BNC2: variants seen among roughly 807,000 people sequenced by gnomAD.
The protein encoded by BNC2 is zinc finger protein basonuclin-2.
Under a neutral mutation model 76.3 loss-of-function variants are expected in BNC2, and 20 were observed. The ratio of observed to expected loss-of-function variants is 0.26; its 90% CI spans 0.18 to 0.38. The LOEUF (loss-of-function observed/expected upper bound fraction) is 0.38, where lower values mean the gene tolerates loss of function less well. Ranked by LOEUF, BNC2 falls within the 10% of genes least tolerant of loss-of-function variation. BNC2 has a pLI of 1.00. For synonymous variants in BNC2, 582 were observed against 514.8 expected, an observed-to-expected ratio of 1.13 and a Z score of -1.77; for missense variants, 1,382 against 1,399.8, an observed-to-expected ratio of 0.99 and a Z score of 0.20.
chr9:16,527,399 T>G (rs1002113489), intron 5 of BNC2, among the ~76,000 whole-genome samples: 2 of 152,224 alleles, frequency 1.3e-5, no homozygotes, highest in African/African-American at 4.8e-5. Context: ...TCTACCCCTG[T>G]GGCACTGTTT....
chr9:16,619,515 T>C lies in BNC2; in HGVS notation c.331-36430A>G, dbSNP rs547229709. On this transcript the variant is annotated intron_variant, in intron 3 of 6. Transcript: ENST00000380672. ...TAATATATTACACACTGATGTAAAC[T>C]GAAATGCTCTTGTCCATGGGTTGAG... Among the ~76,000 whole-genome samples, 14 of 152,276 alleles carry C rather than the reference T, an allele frequency of 9.2e-5. No homozygotes were observed. In the South Asian group the frequency reaches 2.9e-3, roughly 32 times the overall value.
At chr9:16,606,913 GC>G (rs1820403265) in intron 3 of BNC2, among the ~76,000 whole-genome samples, 1 of 152,136 alleles carries the variant, frequency 6.6e-6, no homozygotes, top group Admixed American at 6.5e-5. Flanking sequence ...CCTTTGGCCT[GC>G]GGCCATCCAC....
chr9:16,644,652 T>C (rs1821575759), intron 3 of BNC2, among the ~76,000 whole-genome samples: 1 of 152,168 alleles, frequency 6.6e-6, no homozygotes, highest in South Asian at 2.1e-4. Context: ...AAAGGAAAGA[T>C]GTAATCAGTG....
At chr9:16,469,587 G>C (rs1821775969) in intron 5 of BNC2, among the ~76,000 whole-genome samples, 1 of 152,146 alleles carries the variant, frequency 6.6e-6, no homozygotes, top group Non-Finnish European at 1.5e-5. Flanking sequence ...ACAGTAAATT[G>C]GTACCAGTAG....
chr9:16,668,291 T>C (rs577291117), intron 3 of BNC2, among the ~76,000 whole-genome samples: 1 of 152,316 alleles, frequency 6.6e-6, no homozygotes, highest in African/African-American at 2.4e-5. Context: ...TATGCATCTT[T>C]ACACTGCCAG....
chr9:16,687,189 C>T (rs2383002), intron 3 of BNC2, among the ~76,000 whole-genome samples: 91,195 of 151,948 alleles, frequency 0.6, 31,178 homozygotes, highest in Non-Finnish European at 0.79. Flanking sequence ...GTTGAGAATA[C>T]ATTTCCAAGA....
At chr9:16,855,837 C>G (rs1205543056) in intron 1 of BNC2, among the ~76,000 whole-genome samples, 1 of 152,144 alleles carries the variant, frequency 6.6e-6, no homozygotes, top group Non-Finnish European at 1.5e-5. Flanking sequence ...CGTGAGCCAC[C>G]ACACCCGGCC....
chr9:16,532,220 C>T (rs1256542209), intron 5 of BNC2, among the ~76,000 whole-genome samples: 1 of 138,850 alleles, frequency 7.2e-6, no homozygotes, highest in African/African-American at 3.1e-5. Flanking sequence ...AAGAGACATA[C>T]AGAAAAAAAA....
chr9:16,562,192 T>C (rs1293154220), intron 4 of BNC2, among the ~76,000 whole-genome samples: 1 of 152,198 alleles, frequency 6.6e-6, no homozygotes, highest in Middle Eastern at 3.2e-3. Context: ...ATTTTAGTAA[T>C]GTATTGCTCT....
intron 5 of BNC2, among the ~76,000 whole-genome samples, chr9:16,491,777 T>C (rs1308874748): frequency 6.6e-6 from 1 of 152,242 alleles, no homozygotes; most frequent in Admixed American, 6.5e-5. Flanking sequence ...GTTTCATCTC[T>C]TTTTAAGTTA....
intron 5 of BNC2, among the ~76,000 whole-genome samples, chr9:16,535,997 G>T (rs970411218): frequency 1.3e-5 from 2 of 152,040 alleles, no homozygotes; most frequent in Admixed American, 6.5e-5. Context: ...CTAATAGCCA[G>T]ATATGTAAAT....
intron 3 of BNC2, among the ~76,000 whole-genome samples, chr9:16,725,715 T>C (rs915814691): frequency 9.6e-5 from 13 of 134,774 alleles, no homozygotes; most frequent in Admixed American, 4.5e-4. Context: ...ACACAAAATA[T>C]CCACACAGTC....
intron 3 of BNC2, among the ~76,000 whole-genome samples, chr9:16,654,459 C>A (rs1453438529): frequency 1.3e-5 from 2 of 152,072 alleles, no homozygotes; most frequent in Non-Finnish European, 2.9e-5. Context: ...AAAATATTTG[C>A]GCATGCAGGT....
At chr9:16,766,127 A>G (rs1160965083) in intron 1 of BNC2, among the ~76,000 whole-genome samples, 1 of 152,194 alleles carries the variant, frequency 6.6e-6, no homozygotes, top group African/African-American at 2.4e-5. Flanking sequence ...TCTCCATATT[A>G]GCAGAGATGT....
intron 1 of BNC2, among the ~76,000 whole-genome samples, chr9:16,804,061 T>C (rs1038265296): frequency 4.6e-5 from 7 of 152,354 alleles, no homozygotes; most frequent in Admixed American, 1.3e-4. Flanking sequence ...TCTTTCAGGC[T>C]TCTGCCTGCT....
chr9:16,727,641 C>G, intron 3 of BNC2, 156 bp downstream of exon 3: 1 of 666,034 alleles, frequency 1.5e-6, no homozygotes. Flanking sequence ...CCTGCACATT[C>G]CAGTAACACA....
chr9:16,511,009 G>C (rs1393834275), intron 5 of BNC2, among the ~76,000 whole-genome samples: 2 of 152,012 alleles, frequency 1.3e-5, no homozygotes, highest in East Asian at 3.9e-4. Context: ...TTCCACAAAA[G>C]GCAGAGAGAA....
intron 4 of BNC2, among the ~76,000 whole-genome samples, chr9:16,564,113 C>T (rs963543272): frequency 7.9e-5 from 12 of 152,048 alleles, no homozygotes; most frequent in South Asian, 4.1e-4. Flanking sequence ...CAGAAAGCAA[C>T]AATTTCATGT....
chr9:16,688,099 C>G (rs1823030319), intron 3 of BNC2, among the ~76,000 whole-genome samples: 2 of 152,088 alleles, frequency 1.3e-5, no homozygotes, highest in South Asian at 4.1e-4. Flanking sequence ...ATAAGAGATT[C>G]AAATCAAAAT....
Sources: gnomAD v4.1 joint callset for allele counts (sites outside exome capture counted in the v4.1 genomes callset) on GRCh38, gnomAD v4.1.1 for gene constraint, MANE v1.5 for transcripts, NCBI Gene and HGNC (gene_info 2026-07-23, HGNC 2026-07-21) for gene names.